The following RHCE variants were observed in gnomAD, a reference collection of about 807,000 sequenced individuals.
The protein encoded by RHCE is blood group Rh(CE) polypeptide.
Under a neutral mutation model 43.8 loss-of-function variants are expected in RHCE, and 22 were observed. That is an observed-to-expected ratio of 0.50 (90% CI 0.36 to 0.72). The LOEUF is 0.72. Among genes scored for constraint, RHCE ranks in the 30% least tolerant of loss-of-function variants. RHCE has a pLI of 0.00. For synonymous variants in RHCE, 156 were observed against 210.7 expected, an observed-to-expected ratio of 0.74 and a Z score of 2.25; for missense variants, 385 against 525.4, an observed-to-expected ratio of 0.73 and a Z score of 2.61.
chr1:25,422,047 A>C (rs1405020793), upstream of RHCE, among the ~76,000 whole-genome samples: 1 of 152,178 alleles, frequency 6.6e-6, no homozygotes, highest in East Asian at 1.9e-4. Flanking sequence ...AGATCAGAGG[A>C]GATTTTAATC....
At chr1:25,370,721 CTATT>C (rs1036506854) in intron 8 of RHCE, among the ~76,000 whole-genome samples, 181 bp from the exon 9 acceptor site, 1 of 141,224 alleles carries the variant, frequency 7.1e-6, no homozygotes, top group Non-Finnish European at 1.5e-5. Flanking sequence ...ATTCTGTAGA[CTATT>C]TTATTTTATT....
At position 25,390,852 on chromosome 1, in the gene RHCE, T is replaced by C; in HGVS notation, c.698A>G (p.Gln233Arg). The C allele has an allele frequency of 1.2e-6, 2 of 1,614,210 alleles. No individual in the cohort carries two copies. The highest frequency in any genetic ancestry group is 1.7e-6 in the Non-Finnish European group (2 of 1,180,026). Residue 233 changes from glutamine to arginine, a missense_variant, in exon 5 of 10, where the codon CAA (glutamine) becomes CGA (arginine). Physicochemically the swap from Gln to Arg is conservative, Grantham distance 43. Around this residue, in one of 6 missense-constraint regions of RHCE, gnomAD observed 110 missense variants for 103.4 expected, o/e 1.06. Coordinates refer to ENST00000294413, the MANE Select transcript of RHCE (RefSeq NM_020485.8). ...VNSALLRSPI[Q>R]RKNAMFNTYY... ...GGTGTTGAACATGGCATTCTTCCTT[T>C]GGATTGGACTTCTCAGCAGAGCAGA... is the stretch of plus-strand genomic sequence containing the variant.
chr1:25,391,341 T>G (rs1009370265), intron 4 of RHCE, among the ~76,000 whole-genome samples: 2 of 151,954 alleles, frequency 1.3e-5, no homozygotes, highest in Non-Finnish European at 2.9e-5. Context: ...TGCACCACCA[T>G]GCCCAGCTGA....
intron 8 of RHCE, among the ~76,000 whole-genome samples, chr1:25,374,088 T>G (rs546543593): frequency 6.6e-6 from 1 of 151,320 alleles, no homozygotes; most frequent in East Asian, 1.9e-4. Flanking sequence ...CCCAAAGTGC[T>G]GGGATTACAG....
intron 2 of RHCE, among the ~76,000 whole-genome samples, chr1:25,428,673 G>GA (rs2042824212): frequency 6.6e-6 from 1 of 152,224 alleles, no homozygotes; most frequent in Admixed American, 6.5e-5. Context: ...AACAGACTGT[G>GA]AGAGATTTAG....
In RHCE at chr1:25,379,737, C is replaced by T. The variant is rs528321256; in HGVS notation, c.1074-4309G>A. The stretch of plus-strand genomic sequence containing the variant: ...TTGCCCTGGCTGGAATGCAGTGGCA[C>T]GACCATAGCTCACTGCAGCCTCAAA... On this transcript the variant is annotated intron_variant, in intron 7 of 9. Coordinates refer to ENST00000294413, the MANE Select transcript of RHCE (RefSeq NM_020485.8). 2.1e-3 allele frequency among the ~76,000 whole-genome samples: 311 copies of T among 148,386 alleles called. 1 individual carries two copies. The highest frequency in any genetic ancestry group is 7.5e-3 in the African/African-American group (302 of 40,256).
At chr1:25,385,906 T>C (rs1571860059) in intron 6 of RHCE, 62 bp from the exon 7 acceptor site, 2 of 1,612,758 alleles carry the variant, frequency 1.2e-6, no homozygotes, top group Non-Finnish European at 1.7e-6. Flanking sequence ...TACCCACCCC[T>C]TTCACACACC....
In RHCE at chr1:25,402,766, C is replaced by G; in HGVS notation, c.336-20G>C. The G allele has an allele frequency of 1.2e-6, 2 of 1,613,986 alleles. No individual in the cohort carries two copies. Among genetic ancestry groups the G allele is most frequent in the Non-Finnish European group, 8.5e-7 (1 of 1,179,934 alleles). ...CGAATACTGGGGGTGAGAAGGAGAG[C>G]CAGGATGACTGAGAAGGAAGGATGC... On this transcript the variant is annotated intron_variant, in intron 2 of 9. Coordinates refer to ENST00000294413, the MANE Select transcript of RHCE (RefSeq NM_020485.8).
intron 1 of RHCE, among the ~76,000 whole-genome samples, chr1:25,416,473 C>T (rs1280862315): frequency 1.3e-5 from 2 of 152,064 alleles, no homozygotes; most frequent in Non-Finnish European, 2.9e-5. Context: ...TCATGTTAGC[C>T]AGGATGGTCT....
In RHCE at chr1:25,408,890, G is replaced by A. The variant is rs1310335542; in HGVS notation, c.149-21C>T. 12 of 1,277,104 alleles carry A rather than the reference G, an allele frequency of 9.4e-6. 3 individuals carry two copies. The highest frequency in any genetic ancestry group is 1.3e-5 in the Non-Finnish European group (12 of 957,272). The allele number at this position is 1,277,104 out of a possible 1,614,324, so 79.1% of individuals were successfully genotyped here. ...GCCGACTGCTCGGTGGGGAGATGGT[G>A]AGAAGGAGGAGGGGGAAGCAGACGA... On this transcript the variant is annotated intron_variant, in intron 1 of 9. Coordinates refer to ENST00000294413, the MANE Select transcript of RHCE (RefSeq NM_020485.8).
chr1:25,391,384 G>A (rs1646357458), intron 4 of RHCE, among the ~76,000 whole-genome samples: 4 of 151,854 alleles, frequency 2.6e-5, no homozygotes, highest in East Asian at 3.9e-4. Context: ...ATGGGGTTTC[G>A]CCCTGTTGGC....
chr1:25,411,799 T>C (rs655930), intron 1 of RHCE, among the ~76,000 whole-genome samples: 494 of 152,256 alleles, frequency 3.2e-3, no homozygotes, highest in African/African-American at 4.4e-3. Context: ...AGTGCACATG[T>C]GGGAGCAGTG....
chr1:25,385,905 C>A, intron 6 of RHCE, 61 bp from the exon 7 acceptor site: 1 of 1,612,996 alleles, frequency 6.2e-7, no homozygotes, highest in Non-Finnish European at 8.5e-7. Flanking sequence ...CTACCCACCC[C>A]TTTCACACAC....
At chr1:25,384,113 T>C (rs1324378842) in intron 7 of RHCE, among the ~76,000 whole-genome samples, 4 of 150,258 alleles carry the variant, frequency 2.7e-5, no homozygotes, top group African/African-American at 7.4e-5. Context: ...TAGGTAGGGC[T>C]TGCATTTCTA....
intron 8 of RHCE, among the ~76,000 whole-genome samples, chr1:25,372,702 C>A (rs1305021619): frequency 6.6e-6 from 1 of 151,634 alleles, no homozygotes; most frequent in African/African-American, 2.4e-5. Context: ...ATAGACAGGC[C>A]CACAGAGGGC....
At chr1:25,383,235 T>C (rs781275923) in intron 7 of RHCE, among the ~76,000 whole-genome samples, 1 of 152,218 alleles carries the variant, frequency 6.6e-6, no homozygotes, top group African/African-American at 2.4e-5. Flanking sequence ...AAATGCTCCA[T>C]CCTGGCTCTG....
At chr1:25,417,034 T>A (rs547445332) in intron 1 of RHCE, among the ~76,000 whole-genome samples, 33 of 151,994 alleles carry the variant, frequency 2.2e-4, no homozygotes, top group African/African-American at 8.0e-4. Flanking sequence ...ATGAGACCAA[T>A]CTTGTTTCTA....
At chr1:25,413,986 T>G (rs982772114) in intron 1 of RHCE, among the ~76,000 whole-genome samples, 2 of 151,778 alleles carry the variant, frequency 1.3e-5, no homozygotes, top group African/African-American at 4.8e-5. Flanking sequence ...CCCAGCTTCC[T>G]GAGCTGTAAA....
Position 25,402,175 on chromosome 1 carries a change from CCTGTCTGT to C in RHCE, c.486+413_486+420del, listed in dbSNP as rs74426100. ...TACAGGTGTGAGCCACTGTACCCAG[CCTGTCTGT>C]CTGTCTGTCTGTCTGTCTGTCTGTC... is the stretch of plus-strand genomic sequence containing the variant. On this transcript the variant is annotated intron_variant, in intron 3 of 9. Coordinates refer to ENST00000294413, the MANE Select transcript of RHCE (RefSeq NM_020485.8). Among the ~76,000 whole-genome samples, 870 of 145,258 alleles carry C rather than the reference CCTGTCTGT, an allele frequency of 6.0e-3. 10 individuals carry two copies. Among genetic ancestry groups the C allele is most frequent in the African/African-American group, 0.019 (748 of 38,716 alleles).
Sources: allele counts gnomAD v4.1 joint callset (sites outside exome capture counted in the v4.1 genomes callset), GRCh38; gene constraint gnomAD v4.1.1; regional missense constraint gnomAD v4.1.1; transcripts MANE v1.5; gene names NCBI Gene and HGNC (gene_info 2026-07-23, HGNC 2026-07-21).